The following FSTL5 variants were observed in gnomAD, a reference collection of about 807,000 sequenced individuals.
FSTL5 encodes follistatin-related protein 5.
FSTL5 carries 62 observed loss-of-function variants against 89.1 expected under a neutral mutation model. The ratio of observed to expected loss-of-function variants is 0.70; its 90% CI spans 0.57 to 0.86. The LOEUF (loss-of-function observed/expected upper bound fraction) is 0.86. Ranked by LOEUF, FSTL5 falls within the 40% of genes least tolerant of loss-of-function variation. The pLI is 0.00. For synonymous variants in FSTL5, 383 were observed against 346.2 expected (o/e 1.11, Z -1.18); for missense variants, 1,057 against 1,001.6 (o/e 1.06, Z -0.75).
chr4:161,453,076 C>T (rs370379569), intron 15 of FSTL5, among the ~76,000 whole-genome samples: 1 of 152,214 alleles, frequency 6.6e-6, no homozygotes, highest in Non-Finnish European at 1.5e-5. Flanking sequence ...TTACTGCATG[C>T]CACCAAAGTC....
At chr4:161,689,770 A>G (rs1368264229) in intron 6 of FSTL5, among the ~76,000 whole-genome samples, 1 of 152,136 alleles carries the variant, frequency 6.6e-6, no homozygotes, top group African/African-American at 2.4e-5. Flanking sequence ...TAACTTTAGA[A>G]GAAGACTTTG....
At chr4:161,561,492 A>AT (rs1220774133) in intron 8 of FSTL5, among the ~76,000 whole-genome samples, 1 of 151,906 alleles carries the variant, frequency 6.6e-6, no homozygotes, top group African/African-American at 2.4e-5. Context: ...GCTCTGGGTT[A>AT]TTTTTTGGTT....
At chr4:161,707,837 A>T (rs1738633731) in intron 6 of FSTL5, among the ~76,000 whole-genome samples, 1 of 151,992 alleles carries the variant, frequency 6.6e-6, no homozygotes, top group Non-Finnish European at 1.5e-5. Context: ...TAATGTGTTC[A>T]TTTCATTGAT....
intron 4 of FSTL5, among the ~76,000 whole-genome samples, chr4:161,841,657 A>G (rs1160409142): frequency 6.6e-6 from 1 of 152,218 alleles, no homozygotes; most frequent in Non-Finnish European, 1.5e-5. Context: ...AAAAATAAAT[A>G]TATAAAAATC....
intron 10 of FSTL5, among the ~76,000 whole-genome samples, chr4:161,516,721 A>G (rs199521226): frequency 3.3e-5 from 1 of 30,522 alleles, no homozygotes; most frequent in Non-Finnish European, 7.2e-5. Context: ...ATATATATAT[A>G]TGTACACACA....
At chr4:161,474,054 C>T (rs1281673949) in intron 13 of FSTL5, among the ~76,000 whole-genome samples, 1 of 152,088 alleles carries the variant, frequency 6.6e-6, no homozygotes, top group East Asian at 1.9e-4. Context: ...TGTCTTCATT[C>T]ATGTTTAGTT....
intron 4 of FSTL5, among the ~76,000 whole-genome samples, chr4:161,789,947 A>C (rs764279892): frequency 6.6e-6 from 1 of 152,188 alleles, no homozygotes; most frequent in Non-Finnish European, 1.5e-5. Context: ...TTATTGCTAC[A>C]CAAAACAAGC....
intron 4 of FSTL5, among the ~76,000 whole-genome samples, chr4:161,782,361 C>A (rs1741705390): frequency 6.6e-6 from 1 of 152,138 alleles, no homozygotes; most frequent in African/African-American, 2.4e-5. Flanking sequence ...TTCCAGCAAG[C>A]AATGGGTGAA....
chr4:162,124,938 C>G (rs1476357871), intron 1 of FSTL5, among the ~76,000 whole-genome samples: 2 of 152,142 alleles, frequency 1.3e-5, no homozygotes, highest in Non-Finnish European at 2.9e-5. Flanking sequence ...CTCCTGACCT[C>G]GTGATCCGCC....
chr4:161,822,095 T>C (rs1047466815), intron 4 of FSTL5, among the ~76,000 whole-genome samples: 4 of 152,134 alleles, frequency 2.6e-5, no homozygotes, highest in African/African-American at 9.7e-5. Flanking sequence ...TGCCAACATC[T>C]ACTATTTTTT....
intron 13 of FSTL5, among the ~76,000 whole-genome samples, chr4:161,462,964 G>A (rs1733632330): frequency 6.6e-6 from 1 of 152,056 alleles, no homozygotes; most frequent in Admixed American, 6.6e-5. Flanking sequence ...AAGCTCAGAG[G>A]AAGAAGTACA....
chr4:161,500,572 G>T (rs187082592), intron 11 of FSTL5, among the ~76,000 whole-genome samples: 2 of 152,022 alleles, frequency 1.3e-5, no homozygotes, highest in East Asian at 1.9e-4. Flanking sequence ...TTTATATAAA[G>T]ATTTTTAGGA....
At chr4:161,829,362 T>A (rs915512426) in intron 4 of FSTL5, among the ~76,000 whole-genome samples, 2 of 151,388 alleles carry the variant, frequency 1.3e-5, no homozygotes, top group Non-Finnish European at 2.9e-5. Flanking sequence ...AAGTAATTTT[T>A]TTTCAAGATT....
chr4:161,708,117 G>A (rs554679740), intron 6 of FSTL5, among the ~76,000 whole-genome samples: 133 of 152,090 alleles, frequency 8.7e-4, no homozygotes, highest in African/African-American at 3.1e-3. Flanking sequence ...AGGCACAGAA[G>A]GTACCCAGTG....
At chr4:161,959,915 T>A (rs1254859570) in intron 3 of FSTL5, among the ~76,000 whole-genome samples, 1 of 152,116 alleles carries the variant, frequency 6.6e-6, no homozygotes, top group Non-Finnish European at 1.5e-5. Flanking sequence ...AAAAGACCAA[T>A]TCTGGCTTCT....
At chr4:162,156,966 T>G (rs551280450) in intron 1 of FSTL5, among the ~76,000 whole-genome samples, 10 of 152,276 alleles carry the variant, frequency 6.6e-5, no homozygotes, top group African/African-American at 2.4e-4. Context: ...TAAACTGTTA[T>G]GCATATAAAA....
At chr4:161,727,402 T>C (rs1238790990) in intron 6 of FSTL5, among the ~76,000 whole-genome samples, 1 of 152,190 alleles carries the variant, frequency 6.6e-6, no homozygotes, top group East Asian at 1.9e-4. Flanking sequence ...TCAACAAGAA[T>C]CAGATATATT....
chr4:161,535,228 A>G (rs967612081), intron 10 of FSTL5, among the ~76,000 whole-genome samples: 12 of 152,154 alleles, frequency 7.9e-5, no homozygotes, highest in African/African-American at 2.9e-4. Context: ...AGAGTGCCTA[A>G]GAAGTGCCTA....
chr4:162,048,357 A>C (rs148484290), intron 2 of FSTL5, among the ~76,000 whole-genome samples: 80 of 152,170 alleles, frequency 5.3e-4, no homozygotes, highest in African/African-American at 1.4e-3. Context: ...AACAAACAAA[A>C]AAACACCTAT....
Sources: allele counts gnomAD v4.1 joint callset (sites outside exome capture counted in the v4.1 genomes callset), GRCh38; gene constraint gnomAD v4.1.1; transcripts MANE v1.5; gene names NCBI Gene and HGNC (gene_info 2026-07-23, HGNC 2026-07-21).